The following TNNI3K variants were observed in gnomAD, a reference collection of about 807,000 sequenced individuals.
TNNI3K encodes the protein TNNI3 interacting kinase.
A neutral mutation model predicts 114.5 loss-of-function variants in TNNI3K; 140 were observed. The observed-to-expected ratio is 1.22, with a 90% CI of 1.07 to 1.41. The LOEUF (loss-of-function observed/expected upper bound fraction) is 1.41. TNNI3K is among the 40% of genes most tolerant of loss of function. The pLI is 0.00. For missense variants in TNNI3K, 1,125 were observed against 1,007.6 expected, an observed-to-expected ratio of 1.12 and a Z score of -1.58; for synonymous variants, 347 against 347.5, an observed-to-expected ratio of 1.00 and a Z score of 0.02.
At chr1:74,236,297 C>T (rs551247917) in intron 2 of TNNI3K, 87 bp downstream of exon 2, 16 of 1,179,638 alleles carry the variant, frequency 1.4e-5, no homozygotes, top group African/African-American at 3.1e-5. Flanking sequence ...TTTTTAAACC[C>T]GTAGAACCTC....
At chr1:74,291,404 A>G (rs1417358615) in intron 5 of TNNI3K, among the ~76,000 whole-genome samples, 1 of 151,638 alleles carries the variant, frequency 6.6e-6, no homozygotes, top group African/African-American at 2.4e-5. Context: ...GCTGTTACAT[A>G]GCCACATAAT....
chr1:74,398,548 A>T (rs753755382), intron 17 of TNNI3K, among the ~76,000 whole-genome samples: 1 of 152,196 alleles, frequency 6.6e-6, no homozygotes, highest in African/African-American at 2.4e-5. Flanking sequence ...GATTTTACAG[A>T]AATGCCCAAA....
intron 17 of TNNI3K, among the ~76,000 whole-genome samples, chr1:74,409,747 G>A (rs1399637818): frequency 6.6e-6 from 1 of 151,988 alleles, no homozygotes; most frequent in African/African-American, 2.4e-5. Context: ...ACCCACCTTG[G>A]CCACCCAAAG....
At chr1:74,470,997 ATAAC>A (rs1667899602) in intron 21 of TNNI3K, 1 of 400,734 alleles carries the variant, frequency 2.5e-6, no homozygotes, top group Admixed American at 4.4e-5. Flanking sequence ...TAGTTGCTAA[ATAAC>A]TAAGCACTTT....
chr1:74,521,720 C>T (rs1309273841), intron 23 of TNNI3K, among the ~76,000 whole-genome samples: 4 of 152,018 alleles, frequency 2.6e-5, no homozygotes, highest in African/African-American at 7.3e-5. Context: ...TTCAGCAAAG[C>T]GTGATAAATT....
chr1:74,543,060 T>TTA (rs1570762943), intron 24 of TNNI3K, among the ~76,000 whole-genome samples: 1 of 121,028 alleles, frequency 8.3e-6, no homozygotes, highest in Non-Finnish European at 1.7e-5. Flanking sequence ...CTTTTTCTTT[T>TTA]TCCCTTTTTT....
chr1:74,499,418 A>G (rs1431477670), intron 23 of TNNI3K, among the ~76,000 whole-genome samples: 1 of 152,214 alleles, frequency 6.6e-6, no homozygotes, highest in Non-Finnish European at 1.5e-5. Context: ...AATATGAGCC[A>G]CTGCACCAGG....
chr1:74,454,328 G>A (rs1667142974), intron 20 of TNNI3K, among the ~76,000 whole-genome samples: 1 of 151,302 alleles, frequency 6.6e-6, no homozygotes, highest in East Asian at 1.9e-4. Flanking sequence ...TTATCTAACT[G>A]TACTTTTGTA....
intron 2 of TNNI3K, among the ~76,000 whole-genome samples, chr1:74,239,723 C>G (rs750178326): frequency 1.3e-5 from 2 of 152,142 alleles, no homozygotes; most frequent in Non-Finnish European, 2.9e-5. Context: ...CACCATTGCT[C>G]TATCAGCTCG....
chr1:74,488,174 T>C (rs1267566205), intron 21 of TNNI3K, among the ~76,000 whole-genome samples: 1 of 152,184 alleles, frequency 6.6e-6, no homozygotes, highest in Non-Finnish European at 1.5e-5. Flanking sequence ...TGGTATAGCC[T>C]GACAAGCTGG....
intron 2 of TNNI3K, among the ~76,000 whole-genome samples, chr1:74,241,502 G>T (rs1287185271): frequency 6.6e-6 from 1 of 152,138 alleles, no homozygotes; most frequent in Non-Finnish European, 1.5e-5. Context: ...TCTCATTGTG[G>T]TTTTGATTTG....
chr1:74,355,707 A>G (rs1661618237), intron 11 of TNNI3K, among the ~76,000 whole-genome samples: 1 of 152,158 alleles, frequency 6.6e-6, no homozygotes, highest in Non-Finnish European at 1.5e-5. Context: ...GAAAATGTAG[A>G]GCTGTTGTAA....
At chr1:74,298,386 A>G (rs1334812237) in intron 5 of TNNI3K, among the ~76,000 whole-genome samples, 1 of 152,184 alleles carries the variant, frequency 6.6e-6, no homozygotes, top group Admixed American at 6.5e-5. Flanking sequence ...ATGAATATAT[A>G]GGTAAGCATT....
At chr1:74,437,983 A>G (rs781686901) in intron 19 of TNNI3K, among the ~76,000 whole-genome samples, 2 of 151,644 alleles carry the variant, frequency 1.3e-5, no homozygotes, top group Non-Finnish European at 2.9e-5. Context: ...CCAACAGCAA[A>G]TAATATTAAC....
intron 21 of TNNI3K, chr1:74,480,025 C>T: frequency 1.6e-6 from 1 of 607,784 alleles, no homozygotes; most frequent in Non-Finnish European, 2.9e-6. Flanking sequence ...TATCCTCCCA[C>T]ATCTACTGGC....
intron 5 of TNNI3K, among the ~76,000 whole-genome samples, chr1:74,320,039 G>T (rs1414403664): frequency 1.3e-5 from 2 of 152,160 alleles, no homozygotes; most frequent in African/African-American, 4.8e-5. Flanking sequence ...AGTCCCATCT[G>T]CAATTATATC....
intron 17 of TNNI3K, among the ~76,000 whole-genome samples, chr1:74,397,686 TAAAG>T (rs149332726): frequency 4.6e-5 from 7 of 152,314 alleles, no homozygotes; most frequent in African/African-American, 1.7e-4. Context: ...GAGCAAACCT[TAAAG>T]AAACTCCACT....
intron 20 of TNNI3K, among the ~76,000 whole-genome samples, chr1:74,448,101 G>A (rs1387817588): frequency 4.4e-5 from 4 of 90,542 alleles, no homozygotes; most frequent in Non-Finnish European, 8.5e-5. Context: ...CACACTCTGG[G>A]GACTGTGGTG....
At chr1:74,256,755 T>G (rs1328922043) in intron 4 of TNNI3K, among the ~76,000 whole-genome samples, 1 of 152,158 alleles carries the variant, frequency 6.6e-6, no homozygotes, top group African/African-American at 2.4e-5. Context: ...CATTTTATCT[T>G]CATTCTTTGT....
Sources: allele counts gnomAD v4.1 joint callset (sites outside exome capture counted in the v4.1 genomes callset), GRCh38; gene constraint gnomAD v4.1.1; transcripts MANE v1.5; gene names NCBI Gene and HGNC (gene_info 2026-07-23, HGNC 2026-07-21).